Variants in LYRM4 observed in about 807,000 individuals in gnomAD.
LYRM4 encodes the protein LYR motif-containing protein 4.
In LYRM4, 9 loss-of-function variants were observed where a neutral mutation model predicts 11.7. The observed-to-expected ratio is 0.77, with a 90% CI of 0.46 to 1.34. The LOEUF is 1.34. Ranked by LOEUF, LYRM4 falls within the 40% of genes most tolerant of loss-of-function variation. The pLI is 0.00. For missense variants in LYRM4, 133 were observed against 112.5 expected (o/e 1.18, Z -0.82); for synonymous variants, 42 against 40.4 (o/e 1.04, Z -0.15).
chr6:5,039,434 T>C, the LYRM4 span, among the ~76,000 whole-genome samples: 10 of 152,152 alleles, frequency 6.6e-5, no homozygotes, highest in Admixed American at 6.5e-4. Context: ...TTTAGAACAA[T>C]GAAGAGCAGG....
the LYRM4 span, among the ~76,000 whole-genome samples, chr6:5,092,555 T>C: frequency 3.4e-5 from 2 of 58,464 alleles, no homozygotes; most frequent in Non-Finnish European, 6.4e-5. Flanking sequence ...ACTAAAAATA[T>C]GAAAAAAAAA....
At chr6:5,136,744 G>A (rs1163404118) in intron 2 of LYRM4, 7 of 985,330 alleles carry the variant, frequency 7.1e-6, no homozygotes, top group Non-Finnish European at 8.4e-6. Flanking sequence ...AGCAGCGCCT[G>A]TAGGAAGACT....
intron 2 of LYRM4, among the ~76,000 whole-genome samples, chr6:5,196,465 G>A (rs1433366123): frequency 1.3e-5 from 2 of 152,140 alleles, no homozygotes. Context: ...CTCTGCAAAA[G>A]CAGTTTGACT....
chr6:5,161,883 A>G (rs893917462), intron 2 of LYRM4, among the ~76,000 whole-genome samples: 1 of 152,180 alleles, frequency 6.6e-6, no homozygotes, highest in Non-Finnish European at 1.5e-5. Flanking sequence ...CTGGGTGCCC[A>G]TTATCTTCAG....
At chr6:5,118,807 T>TA (rs1164223277) in intron 2 of LYRM4, among the ~76,000 whole-genome samples, 2 of 152,252 alleles carry the variant, frequency 1.3e-5, no homozygotes, top group Admixed American at 1.3e-4. Flanking sequence ...AACCCAAACT[T>TA]ACGAATATCG....
chr6:5,131,307 A>C (rs914065660), intron 2 of LYRM4, among the ~76,000 whole-genome samples: 2 of 152,234 alleles, frequency 1.3e-5, no homozygotes, highest in Non-Finnish European at 2.9e-5. Flanking sequence ...GATGGTGGGG[A>C]GCTTTGATAT....
downstream of LYRM4, among the ~76,000 whole-genome samples, chr6:5,101,252 C>T (rs960867223): frequency 3.9e-5 from 6 of 152,214 alleles, no homozygotes; most frequent in Admixed American, 2.0e-4. Flanking sequence ...TTACAGAACT[C>T]GTACAGCTAT....
At chr6:5,254,437 T>C (rs1466712195) in intron 1 of LYRM4, among the ~76,000 whole-genome samples, 2 of 152,260 alleles carry the variant, frequency 1.3e-5, no homozygotes, top group Non-Finnish European at 2.9e-5. Flanking sequence ...ATGTTGATTG[T>C]AATAGTTCCT....
intron 2 of LYRM4, among the ~76,000 whole-genome samples, chr6:5,193,595 C>T (rs981495953): frequency 2.0e-4 from 30 of 152,126 alleles, no homozygotes; most frequent in African/African-American, 7.0e-4. Flanking sequence ...AGCAGACTGT[C>T]CTAGTTAATC....
intron 1 of LYRM4, among the ~76,000 whole-genome samples, chr6:5,223,446 T>C (rs527763644): frequency 6.6e-5 from 10 of 152,316 alleles, no homozygotes; most frequent in Admixed American, 3.9e-4. Flanking sequence ...CTGAACCCAG[T>C]TGACTCTAGA....
the LYRM4 span, among the ~76,000 whole-genome samples, chr6:5,046,609 T>C: frequency 6.6e-6 from 1 of 152,206 alleles, no homozygotes; most frequent in African/African-American, 2.4e-5. Context: ...GGCATCTCGC[T>C]CTTTGCACAC....
chr6:5,066,544 T>A, the LYRM4 span: 1 of 838,760 alleles, frequency 1.2e-6, no homozygotes, highest in African/African-American at 1.7e-5. Flanking sequence ...TCACAGTGAA[T>A]CACTTGTAGT....
intron 2 of LYRM4, among the ~76,000 whole-genome samples, chr6:5,115,408 C>G (rs1273371748): frequency 1.3e-5 from 2 of 152,198 alleles, no homozygotes; most frequent in East Asian, 1.9e-4. Flanking sequence ...TGTGTGAGCT[C>G]TGTGTGCTAA....
chr6:5,193,693 T>C (rs1252302660), intron 2 of LYRM4, among the ~76,000 whole-genome samples: 1 of 152,154 alleles, frequency 6.6e-6, no homozygotes. Context: ...CTGAGACAGA[T>C]GAACAGCCAA....
intron 1 of LYRM4, among the ~76,000 whole-genome samples, chr6:5,238,641 G>A (rs759288848): frequency 1.6e-4 from 25 of 152,144 alleles, no homozygotes; most frequent in Non-Finnish European, 2.4e-4. Flanking sequence ...TGAGAGTGGT[G>A]AAGTGAATAC....
intron 1 of LYRM4, among the ~76,000 whole-genome samples, chr6:5,254,927 T>C (rs536832613): frequency 4.6e-5 from 7 of 152,050 alleles, no homozygotes; most frequent in Non-Finnish European, 1.0e-4. Context: ...ACGGCAGCAA[T>C]TTACGCACTT....
intron 2 of LYRM4, among the ~76,000 whole-genome samples, chr6:5,161,065 A>C (rs953061159): frequency 4.6e-5 from 7 of 152,326 alleles, no homozygotes; most frequent in South Asian, 2.1e-4. Flanking sequence ...TACATTGATA[A>C]TACTACTACA....
At chr6:5,195,504 T>G (rs1760999555) in intron 2 of LYRM4, among the ~76,000 whole-genome samples, 1 of 151,768 alleles carries the variant, frequency 6.6e-6, no homozygotes, top group African/African-American at 2.4e-5. Flanking sequence ...CATGGTGGCA[T>G]GCGCCTGTAG....
At chr6:5,170,222 C>T (rs935705248) in intron 2 of LYRM4, among the ~76,000 whole-genome samples, 1 of 152,168 alleles carries the variant, frequency 6.6e-6, no homozygotes, top group Non-Finnish European at 1.5e-5. Context: ...CAAGCATTTT[C>T]ATTTTATTTT....
Sources: gnomAD v4.1 joint callset for allele counts (sites outside exome capture counted in the v4.1 genomes callset) on GRCh38, gnomAD v4.1.1 for gene constraint, MANE v1.5 for transcripts, NCBI Gene and HGNC (gene_info 2026-07-23, HGNC 2026-07-21) for gene names.